Variants in PDGFD observed in about 807,000 individuals in gnomAD.
PDGFD encodes platelet-derived growth factor D.
Under a neutral mutation model 44.7 loss-of-function variants are expected in PDGFD, and 30 were observed. The ratio of observed to expected loss-of-function variants is 0.67; its 90% CI spans 0.50 to 0.91. PDGFD has a LOEUF of 0.91. Among genes scored for constraint, PDGFD ranks in the 40% least tolerant of loss-of-function variants. The pLI, the probability that PDGFD is intolerant of heterozygous loss-of-function variation, is 0.00. For synonymous variants in PDGFD, 173 were observed against 168.4 expected, an observed-to-expected ratio of 1.03 and a Z score of -0.21; for missense variants, 445 against 457.8, an observed-to-expected ratio of 0.97 and a Z score of 0.25.
At chr11:104,032,604 C>A (rs1179072864) in intron 1 of PDGFD, among the ~76,000 whole-genome samples, 1 of 150,464 alleles carries the variant, frequency 6.6e-6, no homozygotes, top group Non-Finnish European at 1.5e-5. Flanking sequence ...GTAGTTTAAA[C>A]ATCAACTGAC....
chr11:104,047,008 G>A lies in PDGFD; in HGVS notation c.125-46753C>T, dbSNP rs546559117. ...ATGAGGTGCTTGGTTTTCTGTTCCT[G>A]TGATAGTTTGCTAAGAATGATGGTT... On this transcript the variant is annotated intron_variant, in intron 1 of 6. Coordinates refer to ENST00000393158, the MANE Select transcript of PDGFD (RefSeq NM_025208.5). Among the ~76,000 whole-genome samples the A allele has an allele frequency of 6.1e-5, 9 of 146,816 alleles. 2 individuals are homozygous for A. The South Asian group carries it at 9.3e-4, about 15-fold the overall frequency.
chr11:103,988,008 T>C (rs1013774316), intron 3 of PDGFD, among the ~76,000 whole-genome samples: 1 of 152,190 alleles, frequency 6.6e-6, no homozygotes, highest in Non-Finnish European at 1.5e-5. Flanking sequence ...CAGTAAGTCT[T>C]CAGACATATT....
At chr11:104,064,536 TG>T (rs1565324889) in intron 1 of PDGFD, among the ~76,000 whole-genome samples, 1 of 152,160 alleles carries the variant, frequency 6.6e-6, no homozygotes, top group African/African-American at 2.4e-5. Context: ...ATTTCATAAC[TG>T]GGGTTTCATT....
chr11:103,948,858 G>A (rs1005009471), intron 3 of PDGFD, among the ~76,000 whole-genome samples: 2 of 151,800 alleles, frequency 1.3e-5, no homozygotes, highest in African/African-American at 4.8e-5. Context: ...GTCAAATGCG[G>A]GGTTCAAAAA....
chr11:104,008,675 T>C (rs999955673), intron 1 of PDGFD, among the ~76,000 whole-genome samples: 9 of 152,118 alleles, frequency 5.9e-5, no homozygotes, highest in Non-Finnish European at 1.3e-4. Flanking sequence ...AAACTGAAGA[T>C]ACTCAAAAGT....
chr11:104,104,067 A>C (rs1272366088), intron 1 of PDGFD, among the ~76,000 whole-genome samples: 1 of 152,138 alleles, frequency 6.6e-6, no homozygotes, highest in Admixed American at 6.6e-5. Flanking sequence ...TGCAGGCCTA[A>C]GCTAATATGT....
intron 1 of PDGFD, among the ~76,000 whole-genome samples, chr11:104,030,757 T>C (rs1411240263): frequency 6.6e-6 from 1 of 152,124 alleles, no homozygotes; most frequent in East Asian, 1.9e-4. Flanking sequence ...GGATAGCTCT[T>C]TGGAACCCAG....
intron 3 of PDGFD, among the ~76,000 whole-genome samples, chr11:103,948,976 G>C (rs1858703512): frequency 7.4e-6 from 1 of 134,732 alleles, no homozygotes; most frequent in African/African-American, 2.9e-5. Context: ...AAACCGACTA[G>C]ACATCATTAT....
intron 3 of PDGFD, 128 bp downstream of exon 3, chr11:103,995,937 G>A (rs1437659411): frequency 1.3e-6 from 1 of 780,918 alleles, no homozygotes; most frequent in Non-Finnish European, 2.0e-6. Flanking sequence ...CCATAAGGTA[G>A]GAACAAACCA....
chr11:104,020,743 C>CCTA (rs1346293238), intron 1 of PDGFD, among the ~76,000 whole-genome samples: 2 of 152,008 alleles, frequency 1.3e-5, no homozygotes, highest in Admixed American at 1.3e-4. Context: ...CCTGCATAGA[C>CCTA]CTATGCTACT....
At chr11:104,111,262 C>CT (rs373944945) in intron 1 of PDGFD, among the ~76,000 whole-genome samples, 6,776 of 119,576 alleles carry the variant, frequency 0.057, 204 homozygotes, top group African/African-American at 0.072. Context: ...ATTATTAATT[C>CT]TTTTTTTTTT....
chr11:104,107,243 T>C (rs1389722317), intron 1 of PDGFD, among the ~76,000 whole-genome samples: 1 of 152,136 alleles, frequency 6.6e-6, no homozygotes, highest in Non-Finnish European at 1.5e-5. Flanking sequence ...GATCTATAGG[T>C]AATAAACAAG....
intron 1 of PDGFD, among the ~76,000 whole-genome samples, chr11:104,014,595 C>G (rs2408815): frequency 0.3 from 44,949 of 152,048 alleles, 8,126 homozygotes; most frequent in Admixed American, 0.48. Flanking sequence ...TTAGAAGTAG[C>G]CTTTAATAAA....
intron 2 of PDGFD, 76 bp downstream of exon 2, chr11:103,999,975 T>C (rs1859595570): frequency 2.3e-6 from 3 of 1,310,354 alleles, no homozygotes; most frequent in Non-Finnish European, 3.3e-6. Flanking sequence ...AAGGAATGTT[T>C]GATACGATGC....
intron 1 of PDGFD, among the ~76,000 whole-genome samples, chr11:104,017,330 T>A (rs929672191): frequency 6.6e-6 from 1 of 151,794 alleles, no homozygotes; most frequent in African/African-American, 2.4e-5. Context: ...TCTATTAACA[T>A]TCCTTGGGTG....
At chr11:104,107,344 T>C (rs1430825773) in intron 1 of PDGFD, among the ~76,000 whole-genome samples, 2 of 152,118 alleles carry the variant, frequency 1.3e-5, no homozygotes, top group African/African-American at 4.8e-5. Flanking sequence ...GGATGACCTC[T>C]GAGAGCTGAG....
At chr11:103,972,100 A>G (rs1269826849) in intron 3 of PDGFD, among the ~76,000 whole-genome samples, 1 of 152,204 alleles carries the variant, frequency 6.6e-6, no homozygotes, top group African/African-American at 2.4e-5. Flanking sequence ...CCAGAAAATC[A>G]CCAGGGTAAC....
At chr11:103,973,106 C>T (rs1372513461) in intron 3 of PDGFD, among the ~76,000 whole-genome samples, 2 of 149,746 alleles carry the variant, frequency 1.3e-5, no homozygotes, top group Non-Finnish European at 3.0e-5. Context: ...TATAAGAAGG[C>T]ATTAATGATA....
At chr11:104,049,055 C>G (rs986036509) in intron 1 of PDGFD, among the ~76,000 whole-genome samples, 1 of 152,176 alleles carries the variant, frequency 6.6e-6, no homozygotes, top group African/African-American at 2.4e-5. Context: ...GTGGCTGCAT[C>G]CAGGACTCAC....
Sources: allele counts gnomAD v4.1 joint callset (sites outside exome capture counted in the v4.1 genomes callset), GRCh38; gene constraint gnomAD v4.1.1; transcripts MANE v1.5; gene names NCBI Gene and HGNC (gene_info 2026-07-23, HGNC 2026-07-21).